Variants in PDE1A observed in about 807,000 individuals in gnomAD.
The protein encoded by PDE1A is phosphodiesterase 1A.
In PDE1A, 35 loss-of-function variants were observed where a neutral mutation model predicts 61.7. The ratio of observed to expected loss-of-function variants is 0.57; its 90% confidence interval spans 0.43 to 0.75. PDE1A has a LOEUF of 0.75. PDE1A is among the 30% of genes least tolerant of loss of function. PDE1A has a pLI of 0.00. For synonymous variants in PDE1A, 232 were observed against 213.2 expected (o/e 1.09, Z -0.77); for missense variants, 597 against 630.6 (o/e 0.95, Z 0.57).
the PDE1A span, among the ~76,000 whole-genome samples, chr2:182,686,973 A>AGCTGGGGGAGGGGCGCCCGCCAT: frequency 2.6e-5 from 4 of 152,214 alleles, no homozygotes; most frequent in Non-Finnish European, 4.4e-5. Flanking sequence ...GCGGCAGCCA[A>AGCTGGGGGAGGGGCGCCCGCCAT]GCTGGGGGAG....
chr2:182,564,105 A>G, the PDE1A span, among the ~76,000 whole-genome samples: 2 of 152,134 alleles, frequency 1.3e-5, no homozygotes, highest in Non-Finnish European at 2.9e-5. Flanking sequence ...TTTTGATGTT[A>G]GCTGGTTATT....
chr2:182,400,449 T>C (rs1039383336), intron 1 of PDE1A, among the ~76,000 whole-genome samples: 9 of 152,190 alleles, frequency 5.9e-5, no homozygotes, highest in Admixed American at 3.3e-4. Context: ...TGCCTTCGTA[T>C]ATGGCCCCAG....
At chr2:182,168,860 T>C (rs1016116173) in intron 13 of PDE1A, among the ~76,000 whole-genome samples, 6 of 152,158 alleles carry the variant, frequency 3.9e-5, no homozygotes, top group Admixed American at 2.6e-4. Context: ...AAATTTCTGA[T>C]TGAATTACAG....
intron 2 of PDE1A, among the ~76,000 whole-genome samples, chr2:182,472,885 A>G (rs1364288171): frequency 6.6e-6 from 1 of 151,750 alleles, no homozygotes; most frequent in Non-Finnish European, 1.5e-5. Context: ...CTTCTTTAAC[A>G]TTAAATCCTA....
the PDE1A span, among the ~76,000 whole-genome samples, chr2:182,633,910 C>T: frequency 6.6e-6 from 1 of 151,908 alleles, no homozygotes. Flanking sequence ...ATGGCGAAAC[C>T]CTGCTCTACC....
chr2:182,475,835 C>T lies in PDE1A; in HGVS notation c.101+46441G>A, dbSNP rs552488815. ...GGAGCCCTTTCAAAATCCTTAACTGCTTGTTTACCAAAATGTTATACAATG... is the reference window on the plus strand; with the variant it reads ...GGAGCCCTTTCAAAATCCTTAACTGTTTGTTTACCAAAATGTTATACAATG... On this transcript the variant is annotated intron_variant, in intron 2 of 14. Transcript: ENST00000410103. Among the ~76,000 whole-genome samples, 3 of 152,024 alleles carry T rather than the reference C, an allele frequency of 2.0e-5. No individual in the cohort carries two copies. The South Asian group carries it at 6.2e-4, about 31-fold the overall frequency.
chr2:182,271,890 A>C (rs1382998385), intron 1 of PDE1A, among the ~76,000 whole-genome samples: 1 of 82,790 alleles, frequency 1.2e-5, no homozygotes, highest in East Asian at 2.3e-4. Flanking sequence ...ATTAAGAAAC[A>C]AACAAAAAAC....
the PDE1A span, among the ~76,000 whole-genome samples, chr2:182,689,901 C>T: frequency 6.6e-6 from 1 of 152,168 alleles, no homozygotes; most frequent in African/African-American, 2.4e-5. Context: ...ACTATAAACA[C>T]CTCTATGCAA....
chr2:182,692,279 A>C, the PDE1A span, among the ~76,000 whole-genome samples: 3 of 152,224 alleles, frequency 2.0e-5, no homozygotes, highest in Non-Finnish European at 4.4e-5. Context: ...TCAAATGTCC[A>C]ACAATGATAG....
Position 182,348,264 on chromosome 2 carries a change from T to C in PDE1A, c.53+78314A>G, listed in dbSNP as rs149480876. 4.4e-3 allele frequency among the ~76,000 whole-genome samples: 664 copies of C among 152,242 alleles called. 2 individuals are homozygous for C. Among genetic ancestry groups the C allele is most frequent in the African/African-American group, 0.015 (629 of 41,560 alleles). ...AGAAAGATGCCATTTCTCCATTTTGTGTATGTTGCCAGGAATCTTCAGGAA... is the reference window on the plus strand; with the variant it reads ...AGAAAGATGCCATTTCTCCATTTTGCGTATGTTGCCAGGAATCTTCAGGAA... On this transcript the variant is annotated intron_variant, in intron 1 of 13. Coordinates refer to ENST00000351439, the Ensembl canonical transcript of PDE1A.
intron 3 of PDE1A, among the ~76,000 whole-genome samples, chr2:182,235,980 C>T (rs1264572583): frequency 6.6e-6 from 1 of 152,094 alleles, no homozygotes; most frequent in East Asian, 1.9e-4. Context: ...TCATGTTTTC[C>T]TTTTAAGTCT....
chr2:182,512,666 G>A (rs1467503333), intron 2 of PDE1A, among the ~76,000 whole-genome samples: 1 of 152,104 alleles, frequency 6.6e-6, no homozygotes. Context: ...TGCAATTCAA[G>A]AGAAACTTGA....
intron 13 of PDE1A, among the ~76,000 whole-genome samples, chr2:182,178,819 G>A (rs1286503272): frequency 2.0e-5 from 3 of 152,074 alleles, no homozygotes; most frequent in Admixed American, 2.0e-4. Flanking sequence ...CAAGCAAGCT[G>A]TGGCAAGCAA....
At chr2:182,482,950 A>T (rs1005941188) in intron 2 of PDE1A, among the ~76,000 whole-genome samples, 7 of 152,006 alleles carry the variant, frequency 4.6e-5, no homozygotes, top group African/African-American at 1.7e-4. Flanking sequence ...TCTATAAGAG[A>T]TACACTTTAG....
rs1214706932 is a variant in PDE1A at position 182,400,831 on chromosome 2, C to T, written c.53+25747G>A. On this transcript the variant is annotated intron_variant, in intron 1 of 13. Coordinates refer to ENST00000351439, the Ensembl canonical transcript of PDE1A. ...CTATCTTGATTTCCTGCTCTAAACT[C>T]GTCACAGAGATTTCTTTCATAAAGT... Among the ~76,000 whole-genome samples, 3 of 152,176 alleles carry T rather than the reference C, an allele frequency of 2.0e-5. No homozygotes were observed. In the East Asian group the frequency reaches 5.8e-4, roughly 29 times the overall value.
intron 8 of PDE1A, among the ~76,000 whole-genome samples, chr2:182,202,454 T>C (rs932896172): frequency 4.6e-5 from 7 of 152,198 alleles, no homozygotes; most frequent in African/African-American, 1.7e-4. Flanking sequence ...TTGCTTTGTA[T>C]GTATACAAAG....
At chr2:182,310,866 T>A (rs1486978052) in intron 1 of PDE1A, among the ~76,000 whole-genome samples, 1 of 152,220 alleles carries the variant, frequency 6.6e-6, no homozygotes, top group African/African-American at 2.4e-5. Context: ...CATGTGACCA[T>A]GTTCTGGCCA....
chr2:182,551,643 G>A, the PDE1A span, among the ~76,000 whole-genome samples: 2 of 152,178 alleles, frequency 1.3e-5, no homozygotes, highest in Non-Finnish European at 2.9e-5. Flanking sequence ...CATTCTTATA[G>A]AAAGAATGTC....
At chr2:182,309,466 A>G (rs1005034062) in intron 1 of PDE1A, among the ~76,000 whole-genome samples, 10 of 152,102 alleles carry the variant, frequency 6.6e-5, no homozygotes, top group African/African-American at 2.4e-4. Flanking sequence ...AAAATAAAAT[A>G]AAACAAAACA....
Sources: gnomAD v4.1 joint callset for allele counts (sites outside exome capture counted in the v4.1 genomes callset) on GRCh38, gnomAD v4.1.1 for gene constraint, MANE v1.5 for transcripts, NCBI Gene and HGNC (gene_info 2026-07-23, HGNC 2026-07-21) for gene names.